Variants in NRG2 observed in about 807,000 individuals in gnomAD.
NRG2 encodes neuregulin 2.
NRG2 carries 27 observed loss-of-function variants against 73.9 expected under a neutral mutation model. The observed-to-expected ratio is 0.37, with a 90% CI of 0.27 to 0.50. NRG2 has a LOEUF of 0.50. Among genes scored for constraint, NRG2 ranks in the 20% least tolerant of loss-of-function variants. The pLI is 0.96. For missense variants in NRG2, 1,126 were observed against 1,210.1 expected, an observed-to-expected ratio of 0.93 and a Z score of 1.03; for synonymous variants, 532 against 541.0, an observed-to-expected ratio of 0.98 and a Z score of 0.23.
At chr5:139,902,293 C>T (rs981474379) in intron 1 of NRG2, among the ~76,000 whole-genome samples, 1 of 152,208 alleles carries the variant, frequency 6.6e-6, no homozygotes, top group Non-Finnish European at 1.5e-5. Context: ...GAGCTCACAC[C>T]TGCAGTTCAG....
At chr5:139,859,019 C>T (rs1023429346) in intron 5 of NRG2, among the ~76,000 whole-genome samples, 7 of 152,134 alleles carry the variant, frequency 4.6e-5, no homozygotes, top group Non-Finnish European at 1.0e-4. Flanking sequence ...TGAGATCCCA[C>T]CCCACTGGAG....
chr5:139,877,694 T>C (rs1177815531), intron 3 of NRG2, among the ~76,000 whole-genome samples: 1 of 152,230 alleles, frequency 6.6e-6, no homozygotes, highest in Non-Finnish European at 1.5e-5. Context: ...TGTGTGTGCG[T>C]ACTGGTTAGG....
intron 1 of NRG2, among the ~76,000 whole-genome samples, chr5:139,938,998 C>T (rs895467889): frequency 8.5e-6 from 1 of 116,984 alleles, no homozygotes; most frequent in African/African-American, 3.4e-5. Context: ...AGGAAGGAAG[C>T]AAGGAAGGAA....
chr5:139,972,657 G>C (rs985746309), intron 1 of NRG2, among the ~76,000 whole-genome samples: 2 of 152,234 alleles, frequency 1.3e-5, no homozygotes, highest in African/African-American at 4.8e-5. Flanking sequence ...CCAGGAGGCA[G>C]AGGTCACAGT....
chr5:139,928,819 C>A (rs746762723), intron 1 of NRG2, among the ~76,000 whole-genome samples: 6 of 152,208 alleles, frequency 3.9e-5, no homozygotes, highest in Non-Finnish European at 8.8e-5. Flanking sequence ...GTCACTTGAG[C>A]TGAAAATCCA....
intron 1 of NRG2, among the ~76,000 whole-genome samples, chr5:140,030,809 G>A (rs181340433): frequency 6.6e-6 from 1 of 152,240 alleles, no homozygotes. Context: ...TCTTAGCATT[G>A]GCCTGAATCA....
intron 1 of NRG2, among the ~76,000 whole-genome samples, chr5:139,944,213 C>A (rs547639925): frequency 1.3e-5 from 2 of 152,142 alleles, no homozygotes; most frequent in East Asian, 1.9e-4. Flanking sequence ...TAGATCAGGG[C>A]AATTAGCATA....
intron 1 of NRG2, among the ~76,000 whole-genome samples, chr5:139,934,207 A>T (rs998206476): frequency 1.3e-5 from 2 of 152,228 alleles, no homozygotes; most frequent in East Asian, 3.8e-4. Context: ...AAATAAAATA[A>T]TTAAAAGAAA....
chr5:140,002,660 T>G (rs940146889), intron 1 of NRG2, among the ~76,000 whole-genome samples: 1 of 152,128 alleles, frequency 6.6e-6, no homozygotes, highest in Non-Finnish European at 1.5e-5. Context: ...GAGCCTTCAG[T>G]CATCAACTCT....
At chr5:139,883,976 C>A (rs1403359107) in intron 2 of NRG2, among the ~76,000 whole-genome samples, 2 of 152,146 alleles carry the variant, frequency 1.3e-5, no homozygotes, top group Admixed American at 1.3e-4. Context: ...TGAGGCTTAA[C>A]CAGGACAGTA....
chr5:139,899,666 G>A (rs1471527769), intron 1 of NRG2, among the ~76,000 whole-genome samples: 1 of 152,204 alleles, frequency 6.6e-6, no homozygotes, highest in Non-Finnish European at 1.5e-5. Context: ...TGTGAGGGCA[G>A]GGACTCGACC....
intron 1 of NRG2, among the ~76,000 whole-genome samples, chr5:139,935,716 T>C (rs761810919): frequency 1.6e-4 from 25 of 151,898 alleles, no homozygotes; most frequent in Non-Finnish European, 3.1e-4. Context: ...TCCCAGCACT[T>C]TGGGAGGCCG....
intron 1 of NRG2, among the ~76,000 whole-genome samples, chr5:139,981,753 T>C (rs1292994000): frequency 6.6e-6 from 1 of 152,238 alleles, no homozygotes; most frequent in African/African-American, 2.4e-5. Flanking sequence ...CTTGTCATGC[T>C]TTGCATGTCC....
Position 140,042,342 on chromosome 5 carries a change from T to C in NRG2, c.700+28A>G, listed in dbSNP as rs570281527. 9 of 1,405,030 alleles carry C rather than the reference T, an allele frequency of 6.4e-6. No homozygotes were observed. The South Asian group carries it at 1.3e-4, about 20-fold the overall frequency. 87.0% of individuals were successfully genotyped at this position (1,405,030 alleles called of 1,614,324 possible). On this transcript the variant is annotated intron_variant, in intron 1 of 9. Transcript: ENST00000361474. ...TCCACCACCTCGCCCCTCCCCCCTT[T>C]CTCCAGCAAAGGGAGGGGGCGACTC...
intron 1 of NRG2, among the ~76,000 whole-genome samples, chr5:139,946,974 C>T (rs542541867): frequency 1.5e-4 from 23 of 151,860 alleles, no homozygotes; most frequent in Admixed American, 9.8e-4. Flanking sequence ...TAGTGAGATA[C>T]CACCTCACAC....
intron 3 of NRG2, among the ~76,000 whole-genome samples, chr5:139,876,699 A>C (rs1190018534): frequency 6.6e-6 from 1 of 151,896 alleles, no homozygotes; most frequent in Non-Finnish European, 1.5e-5. Flanking sequence ...CTTGTCCTTC[A>C]AGACTCAGGT....
chr5:139,926,657 T>C (rs1274100646), intron 1 of NRG2, among the ~76,000 whole-genome samples: 1 of 152,160 alleles, frequency 6.6e-6, no homozygotes, highest in Non-Finnish European at 1.5e-5. Flanking sequence ...ATCCTTAGGC[T>C]AGAAGTGTTC....
At chr5:139,966,725 G>C (rs1359488521) in intron 1 of NRG2, among the ~76,000 whole-genome samples, 1 of 152,104 alleles carries the variant, frequency 6.6e-6, no homozygotes, top group East Asian at 1.9e-4. Flanking sequence ...GAGAGAGTTG[G>C]AAATGCAAGC....
At chr5:139,987,241 G>A (rs1020411541) in intron 1 of NRG2, among the ~76,000 whole-genome samples, 3 of 151,446 alleles carry the variant, frequency 2.0e-5, no homozygotes, top group Non-Finnish European at 2.9e-5. Flanking sequence ...TTAGCCGAGC[G>A]TGGCGGTGAG....
Sources: gnomAD v4.1 joint callset for allele counts (sites outside exome capture counted in the v4.1 genomes callset) on GRCh38, gnomAD v4.1.1 for gene constraint, MANE v1.5 for transcripts, NCBI Gene and HGNC (gene_info 2026-07-23, HGNC 2026-07-21) for gene names.